LRSAM1: variants seen among roughly 807,000 people sequenced by gnomAD.
LRSAM1 encodes the protein leucine rich repeat and sterile alpha motif containing 1.
A neutral mutation model predicts 118.1 loss-of-function variants in LRSAM1; 96 were observed. The ratio of observed to expected loss-of-function variants is 0.81; its 90% CI spans 0.69 to 0.96. LRSAM1 has a LOEUF of 0.96. Ranked by LOEUF, LRSAM1 falls within the 40% of genes least tolerant of loss-of-function variation. LRSAM1 has a pLI of 0.00. For synonymous variants in LRSAM1, 322 were observed against 364.2 expected, an observed-to-expected ratio of 0.88 and a Z score of 1.32; for missense variants, 804 against 915.5, an observed-to-expected ratio of 0.88 and a Z score of 1.57.
intron 8 of LRSAM1, 138 bp from the exon 9 acceptor site, chr9:127,462,114 C>A: frequency 8.2e-7 from 1 of 1,220,276 alleles, no homozygotes. Context: ...TGGAACTCCA[C>A]CTTCTTGAGC....
Position 127,455,021 on chromosome 9 carries a change from C to T in LRSAM1, c.96C>T (p.Asp32=). 1.2e-6 allele frequency: 2 copies of T among 1,614,138 alleles called. No homozygotes were observed. Among genetic ancestry groups the T allele is most frequent in the African/African-American group, 2.7e-5 (2 of 75,040 alleles). The change falls in exon 4 of 26, where the codon GAC becomes GAT. Residue 32 remains aspartate (D), a synonymous_variant. Transcript: ENST00000300417. ...AGGCAAAAGAAGCTGGGGCAGATGA[C>T]ATTCTCGACATCTCTAAATGTGAGC... The part of the protein sequence containing the change: ...MCLAKEAGAD[D]ILDISKCELS...
Position 127,462,325 on chromosome 9 carries a change from C to T in LRSAM1, c.480C>T (p.Asn160=), listed in dbSNP as rs147205387. 1.1e-4 allele frequency: 182 copies of T among 1,614,096 alleles called. 2 individuals are homozygous for T. Among genetic ancestry groups the T allele is most frequent in the East Asian group, 1.0e-3 (47 of 44,878 alleles). ...TGCGTACCCTCAACATCAGTGGAAACGAGATCCAGAGATTGCCGCAGATGC... is the reference window on the plus strand; with the variant it reads ...TGCGTACCCTCAACATCAGTGGAAATGAGATCCAGAGATTGCCGCAGATGC... The part of the protein sequence containing the change: ...RSLRTLNISG[N]EIQRLPQMLA... The change falls in exon 9 of 26, where the codon AAC becomes AAT. Residue 160 remains asparagine, a synonymous_variant. Transcript: ENST00000300417.
At chr9:127,461,981 G>A (rs948179909) in intron 8 of LRSAM1, among the ~76,000 whole-genome samples, 7 of 152,202 alleles carry the variant, frequency 4.6e-5, no homozygotes, top group East Asian at 1.9e-4. Flanking sequence ...CAATCTCCCC[G>A]TGTTCTTATA....
chr9:127,498,319 C>T (rs1325443891), intron 24 of LRSAM1, among the ~76,000 whole-genome samples: 1 of 152,236 alleles, frequency 6.6e-6, no homozygotes, highest in Non-Finnish European at 1.5e-5. Context: ...GATATCAAGT[C>T]ATGTGCAGAA....
At position 127,482,874 on chromosome 9, in the gene LRSAM1, G is replaced by A. The variant is rs575540788; in HGVS notation, c.1089-76G>A. 8.8e-5 allele frequency: 121 copies of A among 1,377,686 alleles called. No homozygotes were observed. The East Asian group carries it at 2.3e-3, about 26-fold the overall frequency. The allele number at this position is 1,377,686 out of a possible 1,614,324, so 85.3% of individuals were successfully genotyped here. A position where few individuals can be genotyped will look rare whatever the true frequency, so the allele number is the denominator to read the frequency against. On this transcript the variant is annotated intron_variant, in intron 15 of 25. Coordinates refer to ENST00000300417, the MANE Select transcript of LRSAM1 (RefSeq NM_001005373.4). ...CCAAATCAAGGAGGCCTTCCTGGAGGAGGTGGTGTTCATCTGCTGGGATTC... is the reference window on the plus strand; with the variant it reads ...CCAAATCAAGGAGGCCTTCCTGGAGAAGGTGGTGTTCATCTGCTGGGATTC...
chr9:127,484,088 C>T (rs754358178), intron 16 of LRSAM1, among the ~76,000 whole-genome samples: 8 of 152,128 alleles, frequency 5.3e-5, no homozygotes, highest in African/African-American at 1.9e-4. Context: ...CCCGTGCCCC[C>T]CTCCCCTCAG....
In LRSAM1 at chr9:127,455,683, G is replaced by C; in HGVS notation, c.174+63G>C. 4 of 1,500,188 alleles carry C rather than the reference G, an allele frequency of 2.7e-6. No individual in the cohort carries two copies. The Admixed American group carries it at 6.7e-5, about 25-fold the overall frequency. 92.9% of individuals were successfully genotyped at this position (1,500,188 alleles called of 1,614,324 possible). The stretch of plus-strand genomic sequence containing the variant: ...CATGTCTGCTTGTTTGAACCCACAA[G>C]GGACTTTGAGGAGCTGTCTTCCCGG... On this transcript the variant is annotated intron_variant, in intron 5 of 25. Transcript: ENST00000300417.
intron 24 of LRSAM1, among the ~76,000 whole-genome samples, chr9:127,497,676 C>T (rs1193902792): frequency 6.6e-6 from 1 of 152,230 alleles, no homozygotes; most frequent in Non-Finnish European, 1.5e-5. Context: ...AGCCCGTCCC[C>T]AGGGCCTGCA....
chr9:127,497,670 C>T (rs1260629036), intron 24 of LRSAM1, among the ~76,000 whole-genome samples: 7 of 152,204 alleles, frequency 4.6e-5, no homozygotes, highest in Non-Finnish European at 8.8e-5. Flanking sequence ...AGAAATAGCC[C>T]GTCCCCAGGG....
chr9:127,481,697 A>G (rs1164024988), intron 15 of LRSAM1, among the ~76,000 whole-genome samples: 2 of 151,980 alleles, frequency 1.3e-5, no homozygotes, highest in East Asian at 1.9e-4. Context: ...ACATACGTAC[A>G]CTCCTGAAAA....
chr9:127,473,919 G>A lies in LRSAM1; in HGVS notation c.738G>A (p.Glu246=), dbSNP rs774538227. The A allele has an allele frequency of 6.2e-6, 10 of 1,614,130 alleles. No homozygotes were observed. Among genetic ancestry groups the A allele is most frequent in the Non-Finnish European group, 1.7e-6 (2 of 1,180,052 alleles). Residue 246 remains glutamate, a synonymous_variant, in exon 11 of 26, where the codon GAG becomes GAA. Coordinates refer to ENST00000300417, the MANE Select transcript of LRSAM1 (RefSeq NM_001005373.4). ...DGPTDRFSRE[E]LEWQNRFSDY... Reference sequence around the variant, plus strand: ...CCACGGACAGATTCTCAAGGGAGGAGTTAGAGTGGCAGGTAAGACAAGGCA... The same window carrying A: ...CCACGGACAGATTCTCAAGGGAGGAATTAGAGTGGCAGGTAAGACAAGGCA...
intron 2 of LRSAM1, 116 bp from the exon 3 acceptor site, chr9:127,454,380 C>A: frequency 1.2e-6 from 1 of 800,134 alleles, no homozygotes; most frequent in Non-Finnish European, 2.1e-6. Context: ...CCCCTGCCTC[C>A]ATGGAACTCA....
chr9:127,469,051 C>T (rs1835067974), intron 10 of LRSAM1, among the ~76,000 whole-genome samples: 1 of 152,024 alleles, frequency 6.6e-6, no homozygotes, highest in Non-Finnish European at 1.5e-5. Context: ...AAAGGAAAGC[C>T]ATAAAGTTAG....
chr9:127,501,120 T>C lies in LRSAM1; in HGVS notation c.2023T>C (p.Cys675Arg). 1.2e-6 allele frequency: 2 copies of C among 1,613,228 alleles called. No individual in the cohort carries two copies. Among genetic ancestry groups the C allele is most frequent in the Non-Finnish European group, 1.7e-6 (2 of 1,179,906 alleles). ...AGAGCTGGAGGTGCAGGCCTCAGAG[T>C]GTGTCGTGTGCCTGGAACGGGAGGT... ...PAELEVQASE[C>R]VVCLEREAQM... Residue 675 changes from cysteine to arginine, a missense_variant, in exon 25 of 26, where the codon TGT becomes CGT. Coordinates refer to ENST00000300417, the MANE Select transcript of LRSAM1 (RefSeq NM_001005373.4).
Position 127,458,069 on chromosome 9 carries a change from T to G in LRSAM1, c.252+676T>G, listed in dbSNP as rs187690497. Among the ~76,000 whole-genome samples the G allele has an allele frequency of 2.6e-5, 4 of 152,086 alleles. No individual in the cohort carries two copies. The East Asian group carries it at 7.7e-4, about 29-fold the overall frequency. Reference sequence around the variant, plus strand: ...GTATAAATATTTCTCCAAGGCCTTTTTTGTGCATTTTCATTTTTAAAAAAT... The same window carrying G: ...GTATAAATATTTCTCCAAGGCCTTTGTTGTGCATTTTCATTTTTAAAAAAT... On this transcript the variant is annotated intron_variant, in intron 6 of 25. Transcript: ENST00000300417.
rs1835271403 is a variant in LRSAM1, at chr9:127,474,058, ACTAGAACTGGC to A, written c.750+130_750+140del. 5 of 1,454,896 alleles carry A rather than the reference ACTAGAACTGGC, an allele frequency of 3.4e-6. No homozygotes were observed. In the East Asian group the frequency reaches 1.2e-4, roughly 35 times the overall value. The allele number at this position is 1,454,896 out of a possible 1,614,324, so 90.1% of individuals were successfully genotyped here. ...TGCAGCTCCCAGATTCCTCCATAGA[ACTAGAACTGGC>A]CTCCTGACGAGTTGAACTGCTTTTT... On this transcript the variant is annotated intron_variant, in intron 11 of 25. Coordinates refer to ENST00000300417, the MANE Select transcript of LRSAM1 (RefSeq NM_001005373.4).
chr9:127,471,204 C>G (rs1393721902), intron 10 of LRSAM1, among the ~76,000 whole-genome samples: 1 of 151,978 alleles, frequency 6.6e-6, no homozygotes, highest in African/African-American at 2.4e-5. Flanking sequence ...TGGGGCCGAA[C>G]AAGGTGGCTC....
chr9:127,455,177 G>A, intron 4 of LRSAM1, 123 bp downstream of exon 4: 1 of 998,856 alleles, frequency 1.0e-6, no homozygotes, highest in South Asian at 1.3e-5. Context: ...GTCACGAGAT[G>A]TTTCCTTAGA....
chr9:127,479,039 A>C (rs558361694), intron 12 of LRSAM1, 76 bp downstream of exon 12: 2 of 1,476,746 alleles, frequency 1.4e-6, no homozygotes, highest in Admixed American at 1.7e-5. Flanking sequence ...ATATTTGAGA[A>C]AATGACTTCT....
Sources: gnomAD v4.1 joint callset for allele counts (sites outside exome capture counted in the v4.1 genomes callset) on GRCh38, gnomAD v4.1.1 for gene constraint, MANE v1.5 for transcripts, NCBI Gene and HGNC (gene_info 2026-07-23, HGNC 2026-07-21) for gene names.